The following KLHL1 variants were observed in gnomAD, a reference collection of about 807,000 sequenced individuals.
KLHL1 encodes kelch-like protein 1.
Under a neutral mutation model 77.7 loss-of-function variants are expected in KLHL1, and 47 were observed. The ratio of observed to expected loss-of-function variants is 0.60; its 90% CI spans 0.48 to 0.77. KLHL1 has a LOEUF of 0.77. KLHL1 is among the 30% of genes least tolerant of loss of function. The pLI, the probability that KLHL1 is intolerant of heterozygous loss-of-function variation, is 0.00. For synonymous variants in KLHL1, 360 were observed against 325.2 expected, an observed-to-expected ratio of 1.11 and a Z score of -1.15; for missense variants, 925 against 910.8, an observed-to-expected ratio of 1.02 and a Z score of -0.20.
intron 4 of KLHL1, among the ~76,000 whole-genome samples, chr13:69,925,573 T>C (rs1202191799): frequency 6.6e-6 from 1 of 152,178 alleles, no homozygotes; most frequent in Admixed American, 6.5e-5. Flanking sequence ...TTTAATTTAC[T>C]AGAAGAATAT....
chr13:69,957,773 A>T (rs1883938722), intron 3 of KLHL1, among the ~76,000 whole-genome samples: 1 of 151,844 alleles, frequency 6.6e-6, no homozygotes, highest in African/African-American at 2.4e-5. Flanking sequence ...TAAGATCACA[A>T]GCAGATTTTC....
intron 7 of KLHL1, among the ~76,000 whole-genome samples, chr13:69,792,472 C>T (rs1408067834): frequency 6.6e-6 from 1 of 152,098 alleles, no homozygotes; most frequent in African/African-American, 2.4e-5. Flanking sequence ...ATGGTGCAGC[C>T]ACTTTGGAAA....
chr13:69,994,219 A>G (rs1016771466), intron 1 of KLHL1, among the ~76,000 whole-genome samples: 1 of 152,110 alleles, frequency 6.6e-6, no homozygotes, highest in Non-Finnish European at 1.5e-5. Context: ...ATGCCTGTTT[A>G]CTACACAAGA....
intron 1 of KLHL1, among the ~76,000 whole-genome samples, chr13:70,052,349 T>A (rs944872675): frequency 1.3e-5 from 2 of 151,816 alleles, no homozygotes; most frequent in Non-Finnish European, 2.9e-5. Flanking sequence ...AAAAAAAATA[T>A]TTAAGTTATC....
intron 6 of KLHL1, among the ~76,000 whole-genome samples, chr13:69,797,279 C>T (rs1877152209): frequency 6.6e-6 from 1 of 152,122 alleles, no homozygotes; most frequent in Non-Finnish European, 1.5e-5. Context: ...TTCCCTCTAT[C>T]ACTTTTGTCA....
At chr13:69,788,499 C>CG (rs1311008656) in intron 7 of KLHL1, among the ~76,000 whole-genome samples, 1 of 151,004 alleles carries the variant, frequency 6.6e-6, no homozygotes, top group African/African-American at 2.4e-5. Context: ...CATCACACTT[C>CG]GGGGACTGTT....
At chr13:69,728,859 T>C (rs3909551) in intron 8 of KLHL1, among the ~76,000 whole-genome samples, 28,327 of 151,782 alleles carry the variant, frequency 0.19, 3,339 homozygotes, top group South Asian at 0.32. Flanking sequence ...AATGAATCCA[T>C]TTTCCCATAG....
intron 1 of KLHL1, among the ~76,000 whole-genome samples, chr13:69,999,068 C>A (rs1173638165): frequency 6.6e-6 from 1 of 151,946 alleles, no homozygotes; most frequent in Admixed American, 6.6e-5. Flanking sequence ...CACAGAGGAT[C>A]TCTAGAGTGA....
rs1002936393 is a variant in KLHL1, at chr13:69,839,179, A to G, written c.1228-17T>C. 5 of 1,495,444 alleles carry G rather than the reference A, an allele frequency of 3.3e-6. No homozygotes were observed. The highest frequency in any genetic ancestry group is 3.9e-5 in the Admixed American group (2 of 51,636). 92.6% of individuals were successfully genotyped at this position (1,495,444 alleles called of 1,614,324 possible). On this transcript the variant is annotated splice_polypyrimidine_tract_variant and intron_variant, in intron 5 of 10. Transcript: ENST00000377844. ...AGCCAATATCTGTGAATAATACACA[A>G]TAGCTGTTAATAATGTTTTCAAAGA...
In KLHL1 at chr13:69,807,497, A is replaced by G. The variant is rs549687166; in HGVS notation, c.1415-10535T>C. Among the ~76,000 whole-genome samples the G allele has an allele frequency of 4.6e-5, 7 of 152,172 alleles. No individual in the cohort carries two copies. The South Asian group carries it at 1.5e-3, about 32-fold the overall frequency. The stretch of plus-strand genomic sequence containing the variant: ...TGCCTCTTACTCTTCAGGACCACCT[A>G]CTAGACTGCTGTTGTTAGACTGAGA... On this transcript the variant is annotated intron_variant, in intron 6 of 10. Transcript: ENST00000377844.
rs1018616876 is a variant in KLHL1 at position 70,108,030 on chromosome 13, C to T, written c.-331G>A. ...CCGTGTTATGGCGAGGTGGGACAAC[C>T]CTTAGGCTGGAGATGCGCGAGGGAG... On this transcript the variant is annotated 5_prime_UTR_variant, in exon 1 of 11. Coordinates refer to ENST00000377844, the MANE Select transcript of KLHL1 (RefSeq NM_020866.3). 6 of 433,736 alleles carry T rather than the reference C, an allele frequency of 1.4e-5. No homozygotes were observed. The highest frequency in any genetic ancestry group is 2.4e-5 in the Non-Finnish European group (6 of 246,354). 26.9% of individuals were successfully genotyped at this position (433,736 alleles called of 1,614,324 possible). A position where few individuals can be genotyped will look rare whatever the true frequency, so the allele number is the denominator to read the frequency against.
At chr13:69,897,674 C>T (rs887318666) in intron 4 of KLHL1, among the ~76,000 whole-genome samples, 2 of 152,116 alleles carry the variant, frequency 1.3e-5, no homozygotes, top group Admixed American at 6.5e-5. Context: ...ACATGAACAC[C>T]TGATACCCTC....
intron 6 of KLHL1, among the ~76,000 whole-genome samples, chr13:69,818,689 C>G (rs570860617): frequency 1.3e-5 from 2 of 152,186 alleles, no homozygotes; most frequent in East Asian, 3.9e-4. Flanking sequence ...TGGAACTGAG[C>G]TTTGGCTGAC....
chr13:69,842,355 C>T (rs1200128703), intron 5 of KLHL1, among the ~76,000 whole-genome samples: 1 of 151,566 alleles, frequency 6.6e-6, no homozygotes, highest in East Asian at 1.9e-4. Context: ...CAAGAAAAAA[C>T]TAATCCCATT....
chr13:69,836,607 G>A (rs56249509), intron 6 of KLHL1, among the ~76,000 whole-genome samples: 1 of 151,862 alleles, frequency 6.6e-6, no homozygotes, highest in African/African-American at 2.4e-5. Context: ...GCAATTTTCT[G>A]TTACTCTAAG....
Position 69,719,365 on chromosome 13 carries a change from T to A in KLHL1, c.2015+4A>T. On this transcript the variant is annotated splice_donor_region_variant and intron_variant, in intron 9 of 10. Transcript: ENST00000377844. ...TCGCTGTAACAGTGTCCTTGGGGTC[T>A]TACCTTTCTACATAATCCAGTAGCC... 6.2e-7 allele frequency: 1 copy of A among 1,612,328 alleles called. No individual in the cohort carries two copies. The highest frequency in any genetic ancestry group is 8.5e-7 in the Non-Finnish European group (1 of 1,178,660).
intron 6 of KLHL1, among the ~76,000 whole-genome samples, chr13:69,809,100 G>A (rs9634959): frequency 0.37 from 56,567 of 151,686 alleles, 10,904 homozygotes; most frequent in African/African-American, 0.46. Context: ...AGCGTACCTG[G>A]GAGAGAAGAG....
At chr13:70,105,894 A>C (rs967323877) in intron 1 of KLHL1, among the ~76,000 whole-genome samples, 1 of 150,844 alleles carries the variant, frequency 6.6e-6, no homozygotes, top group African/African-American at 2.4e-5. Flanking sequence ...ATTCCAGATT[A>C]TACTTCTCCC....
At chr13:70,058,685 A>G (rs1209321807) in intron 1 of KLHL1, among the ~76,000 whole-genome samples, 4 of 152,186 alleles carry the variant, frequency 2.6e-5, no homozygotes, top group African/African-American at 9.6e-5. Context: ...AATACCAATG[A>G]TATTCACAGA....
Sources: gnomAD v4.1 joint callset for allele counts (sites outside exome capture counted in the v4.1 genomes callset) on GRCh38, gnomAD v4.1.1 for gene constraint, MANE v1.5 for transcripts, NCBI Gene and HGNC (gene_info 2026-07-23, HGNC 2026-07-21) for gene names.